TLN2: variants seen among roughly 807,000 people sequenced by gnomAD.
TLN2 encodes talin 2, also known as talin-2.
A neutral mutation model predicts 294.7 loss-of-function variants in TLN2; 118 were observed. The ratio of observed to expected loss-of-function variants is 0.40; its 90% CI spans 0.34 to 0.47. TLN2 has a LOEUF of 0.47. TLN2 is among the 20% of genes least tolerant of loss of function. The probability of loss-of-function intolerance (pLI) is 0.84; values close to 1 mark genes in which losing one functional copy is unlikely to be tolerated. For missense variants in TLN2, 3,083 were observed against 3,282.2 expected (o/e 0.94, Z 1.48); for synonymous variants, 1,431 against 1,304.5 (o/e 1.10, Z -2.09).
At chr15:62,738,864 G>T (rs2140962875) in intron 30 of TLN2, among the ~76,000 whole-genome samples, 1 of 152,328 alleles carries the variant, frequency 6.6e-6, no homozygotes, top group South Asian at 2.1e-4. Context: ...TTATCAGTCT[G>T]CTAGATGACA....
intron 51 of TLN2, among the ~76,000 whole-genome samples, chr15:62,809,029 G>A (rs983172149): frequency 6.6e-6 from 1 of 152,186 alleles, no homozygotes; most frequent in Non-Finnish European, 1.5e-5. Flanking sequence ...TGTTTGTCCT[G>A]ATTAGCAGTG....
chr15:62,732,719 T>C (rs887697330), intron 28 of TLN2, among the ~76,000 whole-genome samples: 20 of 152,210 alleles, frequency 1.3e-4, no homozygotes, highest in African/African-American at 4.8e-4. Flanking sequence ...AAGTGGTCGA[T>C]TGAAGAAGCA....
At chr15:62,775,916 A>G (rs1026772288) in intron 42 of TLN2, among the ~76,000 whole-genome samples, 1 of 152,212 alleles carries the variant, frequency 6.6e-6, no homozygotes, top group East Asian at 1.9e-4. Flanking sequence ...CTGCAGCCAT[A>G]TCATCCCACA....
At position 62,673,894 on chromosome 15, in the gene TLN2, T is replaced by C. The variant is rs1359627448; in HGVS notation, c.852+4T>C. 1.9e-6 allele frequency: 3 copies of C among 1,612,214 alleles called. No homozygotes were observed. The highest frequency in any genetic ancestry group is 4.5e-5 in the East Asian group (2 of 44,852). ...AGCTGAAAAGAGGATCTTTCAGGTA[T>C]TGGAAATGTACAGAACTTTATTATT... On this transcript the variant is annotated splice_donor_region_variant and intron_variant, in intron 10 of 58. Coordinates refer to ENST00000636159, the MANE Select transcript of TLN2 (RefSeq NM_015059.3).
intron 11 of TLN2, among the ~76,000 whole-genome samples, chr15:62,676,876 A>AGGTGGGCGGACTGTATTAC: frequency 6.6e-6 from 1 of 152,142 alleles, no homozygotes; most frequent in South Asian, 2.1e-4. Flanking sequence ...TGGCCTCCCA[A>AGGTGGGCGGACTGTATTAC]AGTGCTAGTA....
intron 1 of TLN2, among the ~76,000 whole-genome samples, chr15:62,559,023 T>A (rs11630706): frequency 0.17 from 25,943 of 152,124 alleles, 2,290 homozygotes; most frequent in African/African-American, 0.21. Context: ...TATTTTGGGG[T>A]GGCCTATTCT....
intron 20 of TLN2, among the ~76,000 whole-genome samples, 190 bp from the exon 21 acceptor site, chr15:62,708,312 C>T (rs2059197858): frequency 6.6e-6 from 1 of 152,140 alleles, no homozygotes; most frequent in Admixed American, 6.5e-5. Context: ...AGTAGAATAG[C>T]AGAGCGTGTG....
At chr15:62,618,087 C>T (rs2140846511) in intron 2 of TLN2, among the ~76,000 whole-genome samples, 1 of 152,098 alleles carries the variant, frequency 6.6e-6, no homozygotes, top group East Asian at 1.9e-4. Flanking sequence ...GCAAGAGCCA[C>T]CATGCCCAGT....
In TLN2 at chr15:62,501,712, A is replaced by G. The variant is rs947776366; in HGVS notation, c.-237-87975A>G. Among the ~76,000 whole-genome samples the G allele has an allele frequency of 2.6e-5, 4 of 152,206 alleles. No homozygotes were observed. The East Asian group carries it at 7.7e-4, about 29-fold the overall frequency. On this transcript the variant is annotated intron_variant, in intron 1 of 58. Transcript: ENST00000636159. ...AACCTTTGGATGTTGTTTTTTGTTT[A>G]ATTGGACATAGTTATATCAACAGGA...
intron 50 of TLN2, among the ~76,000 whole-genome samples, chr15:62,803,938 C>A (rs1454299785): frequency 6.6e-6 from 1 of 152,174 alleles, no homozygotes; most frequent in African/African-American, 2.4e-5. Flanking sequence ...CTTGGGAAGG[C>A]TTTCCAGGTA....
At chr15:62,578,560 C>T (rs769626903) in intron 1 of TLN2, among the ~76,000 whole-genome samples, 2 of 152,034 alleles carry the variant, frequency 1.3e-5, no homozygotes, top group Non-Finnish European at 2.9e-5. Context: ...AACAAGACTC[C>T]GTCTCAAAAC....
chr15:62,682,032 G>A (rs1020949004), intron 11 of TLN2, among the ~76,000 whole-genome samples: 14 of 152,192 alleles, frequency 9.2e-5, no homozygotes, highest in African/African-American at 1.4e-4. Context: ...TGGGATTGCA[G>A]GCATGAGCCA....
chr15:62,689,516 T>C (rs900142999), intron 12 of TLN2, among the ~76,000 whole-genome samples: 5 of 152,178 alleles, frequency 3.3e-5, no homozygotes, highest in African/African-American at 9.6e-5. Context: ...TCTTCTGTTA[T>C]CATTTTGTGT....
intron 1 of TLN2, among the ~76,000 whole-genome samples, chr15:62,397,432 T>C (rs1378483831): frequency 6.6e-6 from 1 of 152,092 alleles, no homozygotes; most frequent in African/African-American, 2.4e-5. Flanking sequence ...TAATTTGTAT[T>C]TGATATTTTT....
chr15:62,671,745 C>A (rs2055457914), intron 9 of TLN2, among the ~76,000 whole-genome samples: 1 of 152,178 alleles, frequency 6.6e-6, no homozygotes, highest in South Asian at 2.1e-4. Flanking sequence ...CTTTTCACCA[C>A]TACTACCAAA....
At chr15:62,501,152 C>G (rs1311959691) in intron 1 of TLN2, among the ~76,000 whole-genome samples, 1 of 152,212 alleles carries the variant, frequency 6.6e-6, no homozygotes, top group Non-Finnish European at 1.5e-5. Context: ...GCTGAAGGAG[C>G]TTGGGACAGG....
At chr15:62,635,676 A>G (rs956948203) in intron 3 of TLN2, among the ~76,000 whole-genome samples, 3 of 152,182 alleles carry the variant, frequency 2.0e-5, no homozygotes, top group African/African-American at 4.8e-5. Context: ...TTAACAAGAC[A>G]TAATCTCTAT....
intron 26 of TLN2, 112 bp from the exon 27 acceptor site, chr15:62,724,864 G>C (rs2060351270): frequency 7.4e-7 from 1 of 1,349,654 alleles, no homozygotes; most frequent in African/African-American, 1.5e-5. Flanking sequence ...TCCTCCTGCT[G>C]GATTTGGAGA....
intron 1 of TLN2, among the ~76,000 whole-genome samples, chr15:62,422,283 G>T (rs909386475): frequency 6.7e-6 from 1 of 149,322 alleles, no homozygotes; most frequent in African/African-American, 2.5e-5. Flanking sequence ...TGCAGTCCAG[G>T]CATCAACCCT....
Sources: gnomAD v4.1 joint callset for allele counts (sites outside exome capture counted in the v4.1 genomes callset) on GRCh38, gnomAD v4.1.1 for gene constraint, MANE v1.5 for transcripts, NCBI Gene and HGNC (gene_info 2026-07-23, HGNC 2026-07-21) for gene names.